Variants in LARGE1 observed in about 807,000 individuals in gnomAD.
LARGE1 encodes the protein xylosyl- and glucuronyltransferase LARGE1.
A neutral mutation model predicts 87.6 loss-of-function variants in LARGE1; 43 were observed. The observed-to-expected ratio is 0.49, with a 90% confidence interval of 0.38 to 0.63. The LOEUF is 0.63. Ranked by LOEUF, LARGE1 falls within the 30% of genes least tolerant of loss-of-function variation. The pLI is 0.00. For missense variants in LARGE1, 802 were observed against 1,000.2 expected, an observed-to-expected ratio of 0.80 and a Z score of 2.67; for synonymous variants, 434 against 394.6, an observed-to-expected ratio of 1.10 and a Z score of -1.18.
Position 33,569,572 on chromosome 22 carries a change from TG to T in LARGE1, c.616-4554del, listed in dbSNP as rs754053292. ...AATTTGGTGGTGGGGAAAGAACAAG[TG>T]GTAAGAAGCAGGTACATTTATTACA... On this transcript the variant is annotated intron_variant, in intron 5 of 14. Transcript: ENST00000397394. Among the ~76,000 whole-genome samples the T allele has an allele frequency of 3.3e-5, 5 of 152,300 alleles. No homozygotes were observed. In the South Asian group the frequency reaches 6.2e-4, roughly 19 times the overall value.
intron 8 of LARGE1, among the ~76,000 whole-genome samples, chr22:33,383,856 G>T (rs748070099): frequency 2.0e-5 from 3 of 152,180 alleles, no homozygotes; most frequent in African/African-American, 7.2e-5. Flanking sequence ...AGAGGGCACC[G>T]ACATCTACTT....
intron 11 of LARGE1, among the ~76,000 whole-genome samples, chr22:33,258,755 C>T (rs1485427358): frequency 1.3e-5 from 2 of 152,148 alleles, no homozygotes; most frequent in African/African-American, 2.4e-5. Flanking sequence ...TGCTTTGTAT[C>T]GTGGACTCAC....
chr22:33,231,138 T>A (rs913936304), intron 11 of LARGE1, among the ~76,000 whole-genome samples: 1 of 152,246 alleles, frequency 6.6e-6, no homozygotes, highest in Non-Finnish European at 1.5e-5. Context: ...TGTTCTTATA[T>A]CTTGGCATCT....
At chr22:33,187,065 T>C (rs1215186624) in intron 11 of LARGE1, among the ~76,000 whole-genome samples, 1 of 152,164 alleles carries the variant, frequency 6.6e-6, no homozygotes, top group African/African-American at 2.4e-5. Flanking sequence ...ACAGCCACTA[T>C]GAGAAATAGT....
Position 33,572,110 on chromosome 22 carries a change from C to T in LARGE1, c.616-7091G>A, listed in dbSNP as rs145502070. ...AATCTGTAAGCTCTCCTCTGCCATA[C>T]TGGAAATATTTTTTGCTCAAAATAG... On this transcript the variant is annotated intron_variant, in intron 5 of 14. Transcript: ENST00000397394. 2.8e-5 allele frequency: 22 copies of T among 794,506 alleles called. No homozygotes were observed. The Middle Eastern group carries it at 1.3e-3, about 49-fold the overall frequency. The allele number at this position is 794,506 out of a possible 1,614,324, so 49.2% of individuals were successfully genotyped here. A position where few individuals can be genotyped will look rare whatever the true frequency, so the allele number is the denominator to read the frequency against.
At chr22:33,459,188 A>T (rs967133926) in intron 6 of LARGE1, among the ~76,000 whole-genome samples, 2 of 152,106 alleles carry the variant, frequency 1.3e-5, no homozygotes, top group Non-Finnish European at 2.9e-5. Context: ...ATGTGTTCTC[A>T]ATGTCAAGAT....
intron 7 of LARGE1, among the ~76,000 whole-genome samples, chr22:33,397,627 G>C (rs1301980702): frequency 6.6e-6 from 1 of 152,162 alleles, no homozygotes. Context: ...GGACATTTGG[G>C]CTGTAATAAA....
At position 33,531,736 on chromosome 22, in the gene LARGE1, T is replaced by C. The variant is rs1049994455; in HGVS notation, c.787+33112A>G. On this transcript the variant is annotated intron_variant, in intron 6 of 14. Coordinates refer to ENST00000397394, the MANE Select transcript of LARGE1 (RefSeq NM_133642.5). Reference sequence around the variant, plus strand: ...GAAACCGCCCAGGAGGCTCTGATAGTAGACTTCAATTACCTGAAGGACTGT... The same window carrying C: ...GAAACCGCCCAGGAGGCTCTGATAGCAGACTTCAATTACCTGAAGGACTGT... Among the ~76,000 whole-genome samples the C allele has an allele frequency of 2.4e-4, 37 of 152,224 alleles. 1 individual carries two copies. The highest frequency in any genetic ancestry group is 2.0e-3 in the Admixed American group (31 of 15,286).
chr22:33,875,506 G>A (rs534217451), intron 1 of LARGE1, among the ~76,000 whole-genome samples: 2 of 152,272 alleles, frequency 1.3e-5, no homozygotes, highest in Non-Finnish European at 2.9e-5. Context: ...CCATGCCAAG[G>A]GGACTCCAGG....
At chr22:33,527,877 G>T (rs946436361) in intron 6 of LARGE1, among the ~76,000 whole-genome samples, 13 of 152,316 alleles carry the variant, frequency 8.5e-5, no homozygotes, top group African/African-American at 3.1e-4. Context: ...GCTGTAGGCA[G>T]AGGTGGAGTT....
At position 33,814,663 on chromosome 22, in the gene LARGE1, T is replaced by C. The variant is rs527771543; in HGVS notation, c.-82-53105A>G. On this transcript the variant is annotated intron_variant, in intron 1 of 14. Transcript: ENST00000397394. ...AAGAGTCCAGCCTGCCAGTGTAACC[T>C]ACCCACAACTTTGGACTTAGCCCTA... is the stretch of plus-strand genomic sequence containing the variant. Among the ~76,000 whole-genome samples, 5 of 152,246 alleles carry C rather than the reference T, an allele frequency of 3.3e-5. No individual in the cohort carries two copies. The East Asian group carries it at 9.7e-4, about 29-fold the overall frequency.
At chr22:33,736,108 C>T (rs190304461) in intron 2 of LARGE1, among the ~76,000 whole-genome samples, 1 of 152,210 alleles carries the variant, frequency 6.6e-6, no homozygotes, top group Non-Finnish European at 1.5e-5. Context: ...AAATTTTGTA[C>T]ATGTTTTTGT....
chr22:33,860,304 T>G (rs1465244220), intron 1 of LARGE1, among the ~76,000 whole-genome samples: 1 of 152,208 alleles, frequency 6.6e-6, no homozygotes, highest in African/African-American at 2.4e-5. Context: ...TTTTGAATTT[T>G]TTTAAATCGA....
intron 1 of LARGE1, among the ~76,000 whole-genome samples, chr22:33,915,012 AACACACACACACACACAC>A (rs71320998): frequency 7.2e-6 from 1 of 139,134 alleles, no homozygotes; most frequent in South Asian, 2.4e-4. Flanking sequence ...TACAAACACA[AACACACACACACACACAC>A]ACACACACAC....
chr22:33,485,029 A>C (rs1162021492), intron 6 of LARGE1, among the ~76,000 whole-genome samples: 1 of 148,956 alleles, frequency 6.7e-6, no homozygotes, highest in Non-Finnish European at 1.5e-5. Context: ...CTCCTGCCTC[A>C]GCCTCCTGAG....
chr22:33,728,401 C>G (rs1189172206), intron 2 of LARGE1, among the ~76,000 whole-genome samples: 1 of 151,448 alleles, frequency 6.6e-6, no homozygotes, highest in East Asian at 1.9e-4. Context: ...TAGCCAGGCA[C>G]GGGGGTGCAT....
rs144013990 is a variant in LARGE1 at position 33,184,088 on chromosome 22, C to CTATA, written c.1731-17260_1731-17257dup. On this transcript the variant is annotated intron_variant, in intron 11 of 11. Transcript: ENST00000608642. ...TAATTTGACTGTGGTAATCAGTACA[C>CTATA]TATATATATATATATCATATCTTTA... 1.7e-4 allele frequency among the ~76,000 whole-genome samples: 18 copies of CTATA among 105,304 alleles called. 2 individuals carry two copies. Among genetic ancestry groups the CTATA allele is most frequent in the African/African-American group, 4.5e-4 (13 of 28,810 alleles). The allele number at this position is 105,304 out of a possible 152,430, so 69.1% of individuals were successfully genotyped here.
At chr22:33,209,980 T>G (rs1417809702) in intron 11 of LARGE1, among the ~76,000 whole-genome samples, 1 of 152,196 alleles carries the variant, frequency 6.6e-6, no homozygotes, top group African/African-American at 2.4e-5. Flanking sequence ...GGCTCTACAT[T>G]AAAACTACTG....
chr22:33,516,719 A>T (rs2071323083), intron 6 of LARGE1, among the ~76,000 whole-genome samples: 1 of 152,056 alleles, frequency 6.6e-6, no homozygotes, highest in Non-Finnish European at 1.5e-5. Flanking sequence ...CCTCCCAAGT[A>T]GCTGGGACTA....
Sources: gnomAD v4.1 joint callset for allele counts (sites outside exome capture counted in the v4.1 genomes callset) on GRCh38, gnomAD v4.1.1 for gene constraint, MANE v1.5 for transcripts, NCBI Gene and HGNC (gene_info 2026-07-23, HGNC 2026-07-21) for gene names.